The following RTL9 variants were observed in gnomAD, a reference collection of about 807,000 sequenced individuals.
RTL9 encodes retrotransposon Gag-like protein 9.
A neutral mutation model predicts 44.7 loss-of-function variants in RTL9; 19 were observed. That is an observed-to-expected ratio of 0.42 (90% CI 0.30 to 0.62). The LOEUF is 0.62. Ranked by LOEUF, RTL9 falls within the 20% of genes least tolerant of loss-of-function variation. RTL9 has a pLI of 0.16. For synonymous variants in RTL9, 407 were observed against 398.9 expected, an observed-to-expected ratio of 1.02 and a Z score of -0.24; for missense variants, 1,105 against 1,080.6, an observed-to-expected ratio of 1.02 and a Z score of -0.32.
exon 1 of RTL9, chrX:110,451,798 C>A: frequency 1.7e-6 from 2 of 1,211,195 alleles, no homozygotes; most frequent in South Asian, 1.8e-5. Context: ...AGAGCAACAG[C>A]CTCTGGGGTG....
intron 1 of RTL9, among the ~76,000 whole-genome samples, chrX:110,410,204 C>T (rs764563841): frequency 1.8e-5 from 2 of 111,214 alleles, no homozygotes; most frequent in South Asian, 3.9e-4. Flanking sequence ...GGTTTTTCCT[C>T]CCCTGTATTG....
upstream of RTL9, among the ~76,000 whole-genome samples, chrX:110,414,961 C>CAT (rs761841113): frequency 1.4e-3 from 158 of 110,570 alleles, no homozygotes; most frequent in Middle Eastern, 4.7e-3. Context: ...AAGAAGAAAG[C>CAT]ATATATATAT....
exon 1 of RTL9, chrX:110,452,232 C>A (rs750617830): frequency 8.3e-7 from 1 of 1,211,876 alleles, no homozygotes; most frequent in Non-Finnish European, 1.1e-6. Context: ...AATGTCCATG[C>A]TGCAAATGAG....
At chrX:110,441,010 CAG>C (rs747065203) in intron 1 of RTL9, among the ~76,000 whole-genome samples, 1 of 111,703 alleles carries the variant, frequency 9.0e-6, no homozygotes, top group Non-Finnish European at 1.9e-5. Context: ...GGATTGTCTG[CAG>C]AGAGTGTGGT....
intron 1 of RTL9, among the ~76,000 whole-genome samples, chrX:110,391,310 T>C (rs1220971323): frequency 8.9e-6 from 1 of 112,049 alleles, no homozygotes; most frequent in Non-Finnish European, 1.9e-5. Flanking sequence ...GGCCCTGGAC[T>C]GCTGAATTCA....
intron 1 of RTL9, among the ~76,000 whole-genome samples, chrX:110,410,193 G>T (rs2068632357): frequency 1.8e-5 from 2 of 111,279 alleles, no homozygotes; most frequent in Non-Finnish European, 3.8e-5. Context: ...ATGGAACTCA[G>T]GGTTTTTCCT....
At chrX:110,454,045 T>C (rs1341380318) in exon 1 of RTL9, 1 of 1,210,389 alleles carries the variant, frequency 8.3e-7, no homozygotes, top group Non-Finnish European at 1.1e-6. Flanking sequence ...TCCTTCGGAA[T>C]GTTGACCCCA....
In RTL9 at chrX:110,452,621, A is replaced by G. The variant is rs755402835; in HGVS notation, c.2004A>G (p.Ala668=). 5.0e-6 allele frequency: 6 copies of G among 1,208,813 alleles called. No homozygotes were observed. The South Asian group carries it at 8.8e-5, about 18-fold the overall frequency. ...ACACAGCCTCTGGAGGGTTGTCTGCATCGCTAATGAGAGACACAGCTTCTG... is the reference window on the plus strand; with the variant it reads ...ACACAGCCTCTGGAGGGTTGTCTGCGTCGCTAATGAGAGACACAGCTTCTG... Residue 668 remains alanine (A), a synonymous_variant, in exon 1 of 2, where the codon GCA becomes GCG. Transcript: ENST00000540313.
intron 1 of RTL9, among the ~76,000 whole-genome samples, chrX:110,421,550 G>A (rs1480115314): frequency 8.9e-6 from 1 of 112,537 alleles, no homozygotes; most frequent in Non-Finnish European, 1.9e-5. Context: ...AATGAAATTC[G>A]AGCATATTTG....
intron 1 of RTL9, among the ~76,000 whole-genome samples, chrX:110,405,746 G>A (rs918178683): frequency 4.5e-5 from 5 of 111,233 alleles, no homozygotes; most frequent in Admixed American, 3.8e-4. Flanking sequence ...AGGAGGAAAC[G>A]GGCCCAAAGA....
intron 1 of RTL9, among the ~76,000 whole-genome samples, chrX:110,382,021 A>T (rs1428421179): frequency 9.0e-6 from 1 of 111,618 alleles, no homozygotes; most frequent in Non-Finnish European, 1.9e-5. Flanking sequence ...ATTAAAAAAA[A>T]TTTAAACAGC....
chrX:110,417,810 A>G (rs1226174382), upstream of RTL9, among the ~76,000 whole-genome samples: 3 of 112,591 alleles, frequency 2.7e-5, no homozygotes, highest in African/African-American at 9.7e-5. Flanking sequence ...GCAACTTCCA[A>G]CATCCCATTG....
intron 1 of RTL9, among the ~76,000 whole-genome samples, chrX:110,430,530 C>T (rs1211506945): frequency 1.8e-5 from 2 of 111,829 alleles, no homozygotes; most frequent in Non-Finnish European, 3.8e-5. Context: ...ACCCTAGAGA[C>T]ACATCTACTT....
upstream of RTL9, among the ~76,000 whole-genome samples, chrX:110,416,322 T>C (rs751161166): frequency 9.8e-5 from 11 of 112,326 alleles, no homozygotes; most frequent in East Asian, 2.0e-3. Flanking sequence ...CAGAGGTATG[T>C]ATTTATTTTG....
chrX:110,389,145 C>T (rs764961670), intron 1 of RTL9, among the ~76,000 whole-genome samples: 21 of 112,466 alleles, frequency 1.9e-4, no homozygotes, highest in South Asian at 7.4e-4. Flanking sequence ...GGATTCTTTA[C>T]GGCTTCTAAG....
chrX:110,426,277 T>G (rs2068753427), intron 1 of RTL9, among the ~76,000 whole-genome samples: 1 of 112,137 alleles, frequency 8.9e-6, no homozygotes, highest in African/African-American at 3.2e-5. Flanking sequence ...TAGCTAACTC[T>G]TCTTCCATCT....
chrX:110,391,548 G>T (rs772547303), intron 1 of RTL9, among the ~76,000 whole-genome samples: 1 of 111,956 alleles, frequency 8.9e-6, no homozygotes, highest in East Asian at 2.8e-4. Flanking sequence ...TCCTACCTCT[G>T]GCTTTTGCTC....
chrX:110,387,850 CCTCT>C (rs1317483103), intron 1 of RTL9, among the ~76,000 whole-genome samples: 1 of 104,560 alleles, frequency 9.6e-6, no homozygotes, highest in Non-Finnish European at 1.9e-5. Context: ...TCGTTATCTC[CCTCT>C]CTCTTTTTTT....
chrX:110,371,405 A>G (rs1052835700), intron 1 of RTL9, among the ~76,000 whole-genome samples: 13 of 111,707 alleles, frequency 1.2e-4, no homozygotes, highest in African/African-American at 4.2e-4. Flanking sequence ...CAAACAATCC[A>G]ATTACAGTCC....
Sources: allele counts gnomAD v4.1 joint callset (sites outside exome capture counted in the v4.1 genomes callset), GRCh38; gene constraint gnomAD v4.1.1; transcripts MANE v1.5; gene names NCBI Gene and HGNC (gene_info 2026-07-23, HGNC 2026-07-21).